The following PPP1R9A variants were observed in gnomAD, a reference collection of about 807,000 sequenced individuals.
The protein encoded by PPP1R9A is protein phosphatase 1 regulatory subunit 9A, also known as neurabin-1.
A neutral mutation model predicts 141.9 loss-of-function variants in PPP1R9A; 59 were observed. The ratio of observed to expected loss-of-function variants is 0.42; its 90% CI spans 0.34 to 0.52. The LOEUF is 0.52. PPP1R9A is among the 20% of genes least tolerant of loss of function. The pLI, the probability that PPP1R9A is intolerant of heterozygous loss-of-function variation, is 0.10. For missense variants in PPP1R9A, 1,444 were observed against 1,611.9 expected, an observed-to-expected ratio of 0.90 and a Z score of 1.78; for synonymous variants, 500 against 569.7, an observed-to-expected ratio of 0.88 and a Z score of 1.74.
At chr7:95,207,819 A>G (rs1791169384) in intron 7 of PPP1R9A, among the ~76,000 whole-genome samples, 1 of 152,202 alleles carries the variant, frequency 6.6e-6, no homozygotes, top group African/African-American at 2.4e-5. Flanking sequence ...ATCTATTTCA[A>G]TATGTCTGCA....
Position 94,977,764 on chromosome 7 carries a change from CTTTTTTT to C in PPP1R9A, c.1395+66266_1395+66272del, listed in dbSNP as rs370362125. Among the ~76,000 whole-genome samples the C allele has an allele frequency of 4.6e-3, 601 of 131,350 alleles. 2 individuals carry two copies. Among genetic ancestry groups the C allele is most frequent in the Non-Finnish European group, 7.4e-3 (448 of 60,402 alleles). 86.2% of individuals were successfully genotyped at this position (131,350 alleles called of 152,430 possible). A position where few individuals can be genotyped will look rare whatever the true frequency, so the allele number is the denominator to read the frequency against. On this transcript the variant is annotated intron_variant, in intron 2 of 19. Coordinates refer to ENST00000433360, the MANE Select transcript of PPP1R9A (RefSeq NM_001166160.2). ...GTATCTTGGTCTTCTTTTTCATTTT[CTTTTTTT>C]TTTTTTTTTGAAATGGAATCTTGCT... is the stretch of plus-strand genomic sequence containing the variant.
chr7:95,120,465 T>C (rs1435049738), intron 3 of PPP1R9A, among the ~76,000 whole-genome samples: 3 of 152,232 alleles, frequency 2.0e-5, no homozygotes, highest in Non-Finnish European at 4.4e-5. Context: ...TTGTTACCTT[T>C]TCTTGAGACC....
At chr7:94,979,661 T>G (rs1037604571) in intron 2 of PPP1R9A, among the ~76,000 whole-genome samples, 1 of 152,204 alleles carries the variant, frequency 6.6e-6, no homozygotes. Flanking sequence ...AGTGTCATTA[T>G]TACCTCTTAA....
At chr7:95,230,683 G>T (rs907158562) in intron 8 of PPP1R9A, among the ~76,000 whole-genome samples, 2 of 152,130 alleles carry the variant, frequency 1.3e-5, no homozygotes, top group Non-Finnish European at 2.9e-5. Flanking sequence ...AAAATAATTA[G>T]TGTTCCTGAG....
chr7:94,909,891 A>G lies in PPP1R9A; in HGVS notation c.-216-7A>G. 5.0e-6 allele frequency: 2 copies of G among 398,724 alleles called. No individual in the cohort carries two copies. The highest frequency in any genetic ancestry group is 4.5e-6 in the Non-Finnish European group (1 of 223,570). The allele number at this position is 398,724 out of a possible 1,614,324, so 24.7% of individuals were successfully genotyped here. On this transcript the variant is annotated splice_region_variant and splice_polypyrimidine_tract_variant and intron_variant, in intron 1 of 19. Coordinates refer to ENST00000433360, the MANE Select transcript of PPP1R9A (RefSeq NM_001166160.2). ...TGAATTCAGAAATTCATTCTTTTCT[A>G]TTGCAGATGAACCTCTAGTCTTGCT...
At chr7:95,216,978 G>A in intron 7 of PPP1R9A, among the ~76,000 whole-genome samples, 1 of 151,970 alleles carries the variant, frequency 6.6e-6, no homozygotes, top group East Asian at 1.9e-4. Context: ...CTGCCTGATT[G>A]CCCTGGCCAG....
intron 5 of PPP1R9A, among the ~76,000 whole-genome samples, chr7:95,162,631 C>A (rs1012392903): frequency 3.9e-5 from 6 of 152,216 alleles, no homozygotes; most frequent in Non-Finnish European, 7.4e-5. Flanking sequence ...TTGCTTATAT[C>A]ATATACTTTT....
intron 2 of PPP1R9A, among the ~76,000 whole-genome samples, chr7:95,004,061 A>C (rs2151548474): frequency 6.6e-6 from 1 of 152,032 alleles, no homozygotes; most frequent in East Asian, 1.9e-4. Context: ...TTGTCAGGAG[A>C]GAAGGGAATG....
intron 2 of PPP1R9A, among the ~76,000 whole-genome samples, chr7:94,997,164 T>A (rs949306594): frequency 9.9e-5 from 15 of 152,278 alleles, no homozygotes; most frequent in Admixed American, 3.9e-4. Context: ...TCTTCCATTT[T>A]TTAAATCATA....
chr7:95,252,467 A>AT (rs71127405), intron 12 of PPP1R9A, among the ~76,000 whole-genome samples: 2,269 of 106,998 alleles, frequency 0.021, 112 homozygotes, highest in African/African-American at 0.064. Flanking sequence ...TAAGGTTTAG[A>AT]TTTTTTTTTT....
At chr7:95,134,939 T>TA (rs1414188091) in intron 4 of PPP1R9A, among the ~76,000 whole-genome samples, 200 of 152,336 alleles carry the variant, frequency 1.3e-3, no homozygotes, top group African/African-American at 4.4e-3. Flanking sequence ...AACAGTATTA[T>TA]ACGTTAGGGC....
intron 2 of PPP1R9A, among the ~76,000 whole-genome samples, chr7:94,981,447 C>T (rs1041065780): frequency 5.3e-5 from 8 of 152,100 alleles, no homozygotes; most frequent in Admixed American, 3.3e-4. Flanking sequence ...ACCATGTTGG[C>T]CAGGCTGGTC....
At chr7:95,029,643 A>T (rs1264044763) in intron 2 of PPP1R9A, among the ~76,000 whole-genome samples, 1 of 152,200 alleles carries the variant, frequency 6.6e-6, no homozygotes, top group African/African-American at 2.4e-5. Context: ...ACTATTAGGG[A>T]TAGGAGACTT....
intron 2 of PPP1R9A, among the ~76,000 whole-genome samples, chr7:95,101,788 C>G (rs1476582773): frequency 6.6e-6 from 1 of 152,100 alleles, no homozygotes; most frequent in East Asian, 1.9e-4. Flanking sequence ...TATAAATTGA[C>G]CTTTACTTTC....
chr7:95,150,308 A>AT (rs973897030), intron 4 of PPP1R9A, among the ~76,000 whole-genome samples: 1 of 152,062 alleles, frequency 6.6e-6, no homozygotes, highest in Non-Finnish European at 1.5e-5. Context: ...ATGACTTTTT[A>AT]TTTTTTATTT....
In PPP1R9A at chr7:95,251,980, G is replaced by A; in HGVS notation, c.2515G>A (p.Val839Ile). 4 of 1,607,766 alleles carry A rather than the reference G, an allele frequency of 2.5e-6. No homozygotes were observed. The highest frequency in any genetic ancestry group is 3.4e-6 in the Non-Finnish European group (4 of 1,178,388). Residue 839 changes from valine (V) to isoleucine (I), a missense_variant, in exon 12 of 20, where the codon GTA (valine) becomes ATA (isoleucine). Around this residue, in one of 5 missense-constraint regions of PPP1R9A, gnomAD observed 488 missense variants for 542.0 expected, o/e 0.90. Coordinates refer to ENST00000433360, the MANE Select transcript of PPP1R9A (RefSeq NM_001166160.2). ...CTAGATTAGAGATTTGGAAGCTGAG[G>A]TATTCAGGCTACTGAAGCAAAATGG... Reference protein sequence around the residue: ...QVRIRDLEAEVFRLLKQNGTQ... With the variant: ...QVRIRDLEAEIFRLLKQNGTQ...
At chr7:95,260,843 TAAGTAAAGATCATTTTAACCC>T (rs1373721380) in intron 12 of PPP1R9A, among the ~76,000 whole-genome samples, 1 of 152,174 alleles carries the variant, frequency 6.6e-6, no homozygotes, top group African/African-American at 2.4e-5. Flanking sequence ...TGATCTTTTA[TAAGTAAAGATCATTTTAACCC>T]AAATGTGAGT....
intron 2 of PPP1R9A, among the ~76,000 whole-genome samples, chr7:94,933,030 C>T (rs1331952915): frequency 7.0e-6 from 1 of 142,436 alleles, no homozygotes; most frequent in Admixed American, 7.0e-5. Context: ...ATACACACAT[C>T]TCTGCATATA....
At chr7:95,116,591 G>A (rs1007155723) in intron 3 of PPP1R9A, among the ~76,000 whole-genome samples, 5 of 152,040 alleles carry the variant, frequency 3.3e-5, no homozygotes, top group Non-Finnish European at 5.9e-5. Flanking sequence ...CAAATTGAAA[G>A]ACAAACCATA....
Sources: allele counts gnomAD v4.1 joint callset (sites outside exome capture counted in the v4.1 genomes callset), GRCh38; gene constraint gnomAD v4.1.1; regional missense constraint gnomAD v4.1.1; transcripts MANE v1.5; gene names NCBI Gene and HGNC (gene_info 2026-07-23, HGNC 2026-07-21).